The following PTPRD variants were observed in gnomAD, a reference collection of about 807,000 sequenced individuals.
The protein encoded by PTPRD is receptor-type tyrosine-protein phosphatase delta.
PTPRD carries 34 observed loss-of-function variants against 214.5 expected under a neutral mutation model. That is an observed-to-expected ratio of 0.16 (90% CI 0.12 to 0.21). The LOEUF (loss-of-function observed/expected upper bound fraction) is 0.21, where lower values mean the gene tolerates loss of function less well. Among genes scored for constraint, PTPRD ranks in the 10% least tolerant of loss-of-function variants. The pLI is 1.00. For synonymous variants in PTPRD, 1,128 were observed against 845.7 expected (o/e 1.33, Z -5.79); for missense variants, 2,545 against 2,398.7 (o/e 1.06, Z -1.27).
At chr9:8,942,922 T>C (rs1230029079) in intron 11 of PTPRD, among the ~76,000 whole-genome samples, 2 of 152,142 alleles carry the variant, frequency 1.3e-5, no homozygotes, top group East Asian at 1.9e-4. Flanking sequence ...TAAGTTTAGA[T>C]TGATAAACAA....
At chr9:8,386,666 G>A (rs2087183310) in intron 37 of PTPRD, among the ~76,000 whole-genome samples, 1 of 152,138 alleles carries the variant, frequency 6.6e-6, no homozygotes, top group South Asian at 2.1e-4. Flanking sequence ...TCAGCCCACA[G>A]AACCCACCAC....
rs140429973 is a variant in PTPRD at position 9,380,314 on chromosome 9, T to G, written c.-203+17135A>C. On this transcript the variant is annotated intron_variant, in intron 9 of 45. Coordinates refer to ENST00000381196, the MANE Select transcript of PTPRD (RefSeq NM_002839.4). The stretch of plus-strand genomic sequence containing the variant: ...AATATATTTAAAATTGTCTTGAGAT[T>G]TCTTCTTTGACCTGTGTGTTATTTA... 5.2e-3 allele frequency among the ~76,000 whole-genome samples: 786 copies of G among 152,240 alleles called. 14 individuals are homozygous for G. The highest frequency in any genetic ancestry group is 0.018 in the African/African-American group (743 of 41,576).
At chr9:8,345,523 G>C (rs977860226) in intron 39 of PTPRD, among the ~76,000 whole-genome samples, 7 of 151,962 alleles carry the variant, frequency 4.6e-5, no homozygotes, top group African/African-American at 1.7e-4. Context: ...TCTATCCTTG[G>C]TTTTAAGGAC....
In PTPRD at chr9:9,976,494, C is replaced by A. The variant is rs117925602; in HGVS notation, c.-471-37884G>T. On this transcript the variant is annotated intron_variant, in intron 4 of 45. Transcript: ENST00000381196. ...CTTTGCCTCCTGAGTTCAAGAGATTCTTACACCTTAGCCTCCCAAGTAGCT... is the reference window on the plus strand; with the variant it reads ...CTTTGCCTCCTGAGTTCAAGAGATTATTACACCTTAGCCTCCCAAGTAGCT... Among the ~76,000 whole-genome samples, 118 of 151,564 alleles carry A rather than the reference C, an allele frequency of 7.8e-4. 3 individuals carry two copies. The South Asian group carries it at 0.024, about 31-fold the overall frequency.
chr9:10,103,491 C>G (rs1467799923), intron 3 of PTPRD, among the ~76,000 whole-genome samples: 1 of 150,200 alleles, frequency 6.7e-6, no homozygotes, highest in African/African-American at 2.4e-5. Context: ...AAAGCTCACC[C>G]CAAATATCTG....
intron 11 of PTPRD, among the ~76,000 whole-genome samples, chr9:8,827,135 ATAT>A (rs2097192376): frequency 6.6e-6 from 1 of 151,586 alleles, no homozygotes; most frequent in Non-Finnish European, 1.5e-5. Flanking sequence ...TTCTGATAAA[ATAT>A]TATCATACTA....
At chr9:9,611,976 G>A (rs2094536968) in intron 7 of PTPRD, among the ~76,000 whole-genome samples, 1 of 152,022 alleles carries the variant, frequency 6.6e-6, no homozygotes, top group South Asian at 2.1e-4. Context: ...AAATATATCA[G>A]ATATTTTTTA....
At chr9:8,688,318 G>A (rs972809145) in intron 12 of PTPRD, among the ~76,000 whole-genome samples, 5 of 152,190 alleles carry the variant, frequency 3.3e-5, no homozygotes, top group African/African-American at 4.8e-5. Context: ...TGTAATCCCA[G>A]CGCTTTGGGA....
chr9:10,051,566 C>T (rs2097535511), intron 3 of PTPRD, among the ~76,000 whole-genome samples: 2 of 151,822 alleles, frequency 1.3e-5, no homozygotes, highest in South Asian at 4.2e-4. Context: ...CGTCATTTAG[C>T]ATTAGGTATA....
intron 25 of PTPRD, 53 bp downstream of exon 25, chr9:8,499,594 A>T (rs2136789338): frequency 6.5e-7 from 1 of 1,545,990 alleles, no homozygotes; most frequent in Non-Finnish European, 8.7e-7. Context: ...CAGGATATGA[A>T]CTAAGATAAA....
intron 2 of PTPRD, among the ~76,000 whole-genome samples, chr9:10,539,513 T>C (rs562392468): frequency 7.2e-5 from 11 of 152,152 alleles, no homozygotes; most frequent in African/African-American, 2.7e-4. Flanking sequence ...AAAGTCTAAC[T>C]CCATGTTTTA....
intron 25 of PTPRD, 90 bp from the exon 26 acceptor site, chr9:8,497,358 T>TA (rs991035277): frequency 4.1e-5 from 46 of 1,118,072 alleles, no homozygotes; most frequent in East Asian, 3.5e-4. Flanking sequence ...CTTGTTAGAT[T>TA]AAAAAAATCA....
chr9:9,406,214 A>G (rs1157036562), intron 8 of PTPRD, among the ~76,000 whole-genome samples: 3 of 151,946 alleles, frequency 2.0e-5, no homozygotes, highest in African/African-American at 7.2e-5. Flanking sequence ...TGTTAAAAAG[A>G]TGGTAAGGGC....
At chr9:8,429,939 A>G (rs915649247) in intron 35 of PTPRD, among the ~76,000 whole-genome samples, 2 of 152,210 alleles carry the variant, frequency 1.3e-5, no homozygotes, top group African/African-American at 4.8e-5. Flanking sequence ...AGTGCTGACT[A>G]ACTTGAAACT....
chr9:9,915,638 AGAAACAAATTTCTGACCTT>A (rs1455805427), intron 5 of PTPRD, among the ~76,000 whole-genome samples: 1 of 151,928 alleles, frequency 6.6e-6, no homozygotes, highest in Non-Finnish European at 1.5e-5. Flanking sequence ...ACCAAGCAGA[AGAAACAAATTTCTGACCTT>A]GAAAACAGAT....
At chr9:10,438,112 A>G (rs1424878561) in intron 2 of PTPRD, among the ~76,000 whole-genome samples, 1 of 150,358 alleles carries the variant, frequency 6.7e-6, no homozygotes, top group Non-Finnish European at 1.5e-5. Context: ...ATATTTACTA[A>G]GTACTAGGGC....
intron 7 of PTPRD, among the ~76,000 whole-genome samples, chr9:9,725,436 C>G (rs1416247800): frequency 6.6e-6 from 1 of 151,822 alleles, no homozygotes; most frequent in Non-Finnish European, 1.5e-5. Context: ...ACGTCTTTTT[C>G]TTCCTATTCT....
chr9:9,105,168 C>A (rs2154444497), intron 10 of PTPRD, among the ~76,000 whole-genome samples: 1 of 152,230 alleles, frequency 6.6e-6, no homozygotes, highest in Admixed American at 6.5e-5. Flanking sequence ...CAAATTTTAA[C>A]TGATGAGGAA....
chr9:9,068,401 A>C (rs2099738461), intron 10 of PTPRD, among the ~76,000 whole-genome samples: 1 of 152,080 alleles, frequency 6.6e-6, no homozygotes, highest in South Asian at 2.1e-4. Flanking sequence ...TTGCTTGTTT[A>C]CTTTTATAAG....
Sources: allele counts gnomAD v4.1 joint callset (sites outside exome capture counted in the v4.1 genomes callset), GRCh38; gene constraint gnomAD v4.1.1; transcripts MANE v1.5; gene names NCBI Gene and HGNC (gene_info 2026-07-23, HGNC 2026-07-21).